The following FBXO34 variants were observed in gnomAD, a reference collection of about 807,000 sequenced individuals.
The protein encoded by FBXO34 is F-box only protein 34.
In FBXO34, 12 loss-of-function variants were observed where a neutral mutation model predicts 24.5. The observed-to-expected ratio is 0.49, with a 90% CI of 0.31 to 0.79. The LOEUF is 0.79. Among genes scored for constraint, FBXO34 ranks in the 30% least tolerant of loss-of-function variants. FBXO34 has a pLI of 0.04. For synonymous variants in FBXO34, 320 were observed against 311.9 expected (o/e 1.03, Z -0.27); for missense variants, 823 against 857.7 (o/e 0.96, Z 0.51).
chr14:55,370,334 T>C (rs140251092), downstream of FBXO34, among the ~76,000 whole-genome samples: 1 of 152,340 alleles, frequency 6.6e-6, no homozygotes, highest in East Asian at 1.9e-4. Context: ...CTGGATATTA[T>C]TTAGTGTAAT....
chr14:55,298,220 T>G (rs575759451), intron 1 of FBXO34, among the ~76,000 whole-genome samples: 2 of 146,958 alleles, frequency 1.4e-5, no homozygotes, highest in African/African-American at 5.1e-5. Context: ...TTTTTTTGCG[T>G]TTTTTTTTAA....
downstream of FBXO34, among the ~76,000 whole-genome samples, chr14:55,371,532 C>T (rs902717403): frequency 1.1e-4 from 17 of 151,668 alleles, no homozygotes; most frequent in African/African-American, 2.9e-4. Context: ...TCAGGCCGGG[C>T]GCGGTGGCTC....
chr14:55,398,814 G>C, the FBXO34 span, among the ~76,000 whole-genome samples: 1 of 151,662 alleles, frequency 6.6e-6, no homozygotes. Context: ...TGGCTACTGA[G>C]TGCCTAAGAT....
At chr14:55,306,797 C>A (rs144899601) in intron 1 of FBXO34, among the ~76,000 whole-genome samples, 2 of 151,690 alleles carry the variant, frequency 1.3e-5, no homozygotes, top group Non-Finnish European at 2.9e-5. Flanking sequence ...TGCATCACGG[C>A]AGTTCAGCCT....
chr14:55,331,308 C>T (rs1051119812), intron 1 of FBXO34, among the ~76,000 whole-genome samples: 1 of 151,938 alleles, frequency 6.6e-6, no homozygotes, highest in South Asian at 2.1e-4. Flanking sequence ...TTTTCCTATG[C>T]CACTCTCATC....
chr14:55,289,831 G>T (rs1296618366), intron 1 of FBXO34, among the ~76,000 whole-genome samples: 2 of 151,830 alleles, frequency 1.3e-5, no homozygotes, highest in South Asian at 4.2e-4. Flanking sequence ...ACAGGAGTGG[G>T]TCCCCAAGCC....
chr14:55,357,640 CTCTG>C (rs1238861522), downstream of FBXO34, among the ~76,000 whole-genome samples: 5 of 152,236 alleles, frequency 3.3e-5, no homozygotes, highest in East Asian at 9.7e-4. Flanking sequence ...GAAAGTGAGA[CTCTG>C]TCGTTGTACA....
At chr14:55,318,406 A>C (rs1883011461) in intron 1 of FBXO34, 1 of 7,068 alleles carries the variant, frequency 1.4e-4, no homozygotes, top group African/African-American at 4.9e-4. Context: ...ATATATATAT[A>C]TATATGCAGT....
At chr14:55,327,208 T>C (rs918056595) in intron 1 of FBXO34, among the ~76,000 whole-genome samples, 2 of 152,126 alleles carry the variant, frequency 1.3e-5, no homozygotes, top group African/African-American at 2.4e-5. Context: ...CCACAACATG[T>C]AAAGGCTCTG....
At chr14:55,402,007 C>T in the FBXO34 span, among the ~76,000 whole-genome samples, 2 of 152,184 alleles carry the variant, frequency 1.3e-5, no homozygotes, top group African/African-American at 2.4e-5. Context: ...CTCTGTTCCC[C>T]GGCTACAATC....
chr14:55,346,479 T>G (rs1294359921), intron 1 of FBXO34, among the ~76,000 whole-genome samples: 1 of 152,220 alleles, frequency 6.6e-6, no homozygotes, highest in Non-Finnish European at 1.5e-5. Flanking sequence ...ATTTTGAGAT[T>G]CTTTTTGATA....
chr14:55,405,521 T>G, the FBXO34 span, among the ~76,000 whole-genome samples: 3 of 152,256 alleles, frequency 2.0e-5, no homozygotes, highest in East Asian at 1.9e-4. Context: ...TGAAAATCAG[T>G]GGCTCCTAAA....
intron 1 of FBXO34, among the ~76,000 whole-genome samples, chr14:55,344,852 C>A (rs542197107): frequency 6.6e-6 from 1 of 152,270 alleles, no homozygotes; most frequent in African/African-American, 2.4e-5. Flanking sequence ...TTGCTCTCCC[C>A]ATGGGCTCTC....
the FBXO34 span, among the ~76,000 whole-genome samples, chr14:55,431,044 T>TA: frequency 6.6e-6 from 1 of 152,202 alleles, no homozygotes; most frequent in Non-Finnish European, 1.5e-5. Context: ...TTAAAAATCT[T>TA]AAAATCTCAC....
chr14:55,322,407 A>G (rs1883170242), intron 1 of FBXO34, among the ~76,000 whole-genome samples: 1 of 152,166 alleles, frequency 6.6e-6, no homozygotes, highest in South Asian at 2.1e-4. Flanking sequence ...TTCAGTTTTT[A>G]CACCAATAGC....
At chr14:55,274,350 T>C (rs1881264620) in intron 1 of FBXO34, among the ~76,000 whole-genome samples, 1 of 152,248 alleles carries the variant, frequency 6.6e-6, no homozygotes, top group Non-Finnish European at 1.5e-5. Context: ...GTGAGTGTTG[T>C]GTAATTATCT....
At chr14:55,374,121 C>T (rs1884875150), downstream of FBXO34, among the ~76,000 whole-genome samples, 1 of 152,242 alleles carries the variant, frequency 6.6e-6, no homozygotes, top group African/African-American at 2.4e-5. Context: ...CTACCAGCAA[C>T]GCTGGATTCA....
the FBXO34 span, among the ~76,000 whole-genome samples, chr14:55,402,893 C>CAAAAAA: frequency 9.0e-5 from 1 of 11,100 alleles, no homozygotes. Context: ...TCCATCTCTA[C>CAAAAAA]AAAAAAAAAA....
At chr14:55,330,562 T>C (rs1883499113) in intron 1 of FBXO34, among the ~76,000 whole-genome samples, 1 of 152,014 alleles carries the variant, frequency 6.6e-6, no homozygotes, top group Non-Finnish European at 1.5e-5. Context: ...GGTGGGAGGA[T>C]TGCTTGAGCC....
Sources: gnomAD v4.1 joint callset for allele counts (sites outside exome capture counted in the v4.1 genomes callset) on GRCh38, gnomAD v4.1.1 for gene constraint, MANE v1.5 for transcripts, NCBI Gene and HGNC (gene_info 2026-07-23, HGNC 2026-07-21) for gene names.